The following GNL1 variants were observed in gnomAD, a reference collection of about 807,000 sequenced individuals.
GNL1 encodes the protein guanine nucleotide-binding protein-like 1.
A neutral mutation model predicts 75.2 loss-of-function variants in GNL1; 21 were observed. The observed-to-expected ratio is 0.28, with a 90% CI of 0.20 to 0.40. The LOEUF (loss-of-function observed/expected upper bound fraction) is 0.40. Among genes scored for constraint, GNL1 ranks in the 10% least tolerant of loss-of-function variants. The pLI is 1.00. For missense variants in GNL1, 579 were observed against 775.0 expected, an observed-to-expected ratio of 0.75 and a Z score of 3.00; for synonymous variants, 287 against 303.4, an observed-to-expected ratio of 0.95 and a Z score of 0.56.
Position 30,552,625 on chromosome 6 carries a change from T to C in GNL1, c.941A>G (p.Asp314Gly). The change falls in exon 8 of 12, where the codon GAT (aspartate) becomes GGT (glycine). Residue 314 changes from aspartate to glycine, a missense_variant. Transcript: ENST00000376621. The surrounding 1 kb of genome is among the most constrained non-coding windows in gnomAD (Gnocchi z 4.5). Reference protein sequence around the residue: ...LSSWREKIARDVAGATWGNGS... With the variant: ...LSSWREKIARGVAGATWGNGS... Reference sequence around the variant, plus strand: ...ATTACCCCAGGTGGCCCCAGCCACATCCCGAGCAATCTTCTCCCGCCAGCT... The same window carrying C: ...ATTACCCCAGGTGGCCCCAGCCACACCCCGAGCAATCTTCTCCCGCCAGCT... 1 of 1,613,942 alleles carries C rather than the reference T, an allele frequency of 6.2e-7. No homozygotes were observed. Among genetic ancestry groups the C allele is most frequent in the Non-Finnish European group, 8.5e-7 (1 of 1,179,952 alleles).
chr6:30,552,446 C>T lies in GNL1; in HGVS notation c.1099+21G>A, dbSNP rs578228176. The T allele has an allele frequency of 4.4e-6, 7 of 1,599,256 alleles. No individual in the cohort carries two copies. The highest frequency in any genetic ancestry group is 6.0e-6 in the Non-Finnish European group (7 of 1,169,306). The stretch of plus-strand genomic sequence containing the variant: ...CTGTACCTCCTTGGAGGCCACCACG[C>T]ACAAGCTGCCACTTCCTTACCCACA... On this transcript the variant is annotated intron_variant, in intron 8 of 11. Transcript: ENST00000376621. The surrounding 1 kb of genome is among the most constrained non-coding windows in gnomAD (Gnocchi z 4.5).
intron 8 of GNL1, among the ~76,000 whole-genome samples, chr6:30,549,066 T>C (rs553326882): frequency 4.5e-4 from 68 of 152,274 alleles, no homozygotes; most frequent in African/African-American, 1.6e-3. Context: ...GGTGCGATGT[T>C]GGCTCACTAC....
In GNL1 at chr6:30,543,801, A is replaced by G. The variant is rs140682223; in HGVS notation, c.*2271T>C. The G allele has an allele frequency of 6.6e-6, 1 of 152,310 alleles. No homozygotes were observed. Among genetic ancestry groups the G allele is most frequent in the African/African-American group, 2.4e-5 (1 of 41,574 alleles). The allele number at this position is 152,310 out of a possible 1,614,324, so 9.4% of individuals were successfully genotyped here. A position where few individuals can be genotyped will look rare whatever the true frequency, so the allele number is the denominator to read the frequency against. Reference sequence around the variant, plus strand: ...ACCACACACAGCTACCCTGTTCCAGAAGCAGGACTATAATCCCATCTGGAA... The same window carrying G: ...ACCACACACAGCTACCCTGTTCCAGGAGCAGGACTATAATCCCATCTGGAA... On this transcript the variant is annotated 3_prime_UTR_variant, in exon 12 of 12. Coordinates refer to ENST00000376621, the MANE Select transcript of GNL1 (RefSeq NM_005275.5).
In GNL1 at chr6:30,555,887, CCTT is replaced by C; in HGVS notation, c.74-170_74-168del. On this transcript the variant is annotated intron_variant, in intron 1 of 11. Coordinates refer to ENST00000376621, the MANE Select transcript of GNL1 (RefSeq NM_005275.5). The surrounding 1 kb of genome is among the most constrained non-coding windows in gnomAD (Gnocchi z 4.3). ...CCGGATGTGCGTGGGGGGAGTCACTCCTTCAGGGAGCAGTGGGGACGGCGCCCC... is the reference window on the plus strand; with the variant it reads ...CCGGATGTGCGTGGGGGGAGTCACTCCAGGGAGCAGTGGGGACGGCGCCCC... 1.2e-6 allele frequency: 1 copy of C among 826,958 alleles called. No individual in the cohort carries two copies. Among genetic ancestry groups the C allele is most frequent in the Non-Finnish European group, 1.9e-6 (1 of 528,880 alleles). The allele number at this position is 826,958 out of a possible 1,614,324, so 51.2% of individuals were successfully genotyped here.
chr6:30,550,816 T>A (rs1466485138), intron 8 of GNL1, among the ~76,000 whole-genome samples: 4 of 152,142 alleles, frequency 2.6e-5, no homozygotes, highest in Admixed American at 2.0e-4. Context: ...CTGGGCACTC[T>A]TGCTGGTCCT....
rs1057340162 is a variant in GNL1, at chr6:30,555,875, G to A, written c.74-155C>T. On this transcript the variant is annotated intron_variant, in intron 1 of 11. Coordinates refer to ENST00000376621, the MANE Select transcript of GNL1 (RefSeq NM_005275.5). This position sits in a 1 kb window ranked among gnomAD's most constrained non-coding sequence, Gnocchi z 4.3. Reference sequence around the variant, plus strand: ...TTTGGGACCCTCCCGGATGTGCGTGGGGGGAGTCACTCCTTCAGGGAGCAG... The same window carrying A: ...TTTGGGACCCTCCCGGATGTGCGTGAGGGGAGTCACTCCTTCAGGGAGCAG... 18 of 872,032 alleles carry A rather than the reference G, an allele frequency of 2.1e-5. No individual in the cohort carries two copies. The highest frequency in any genetic ancestry group is 3.2e-5 in the Non-Finnish European group (18 of 568,732). The allele number at this position is 872,032 out of a possible 1,614,324, so 54.0% of individuals were successfully genotyped here.
Position 30,554,773 on chromosome 6 carries a change from G to A in GNL1, c.519C>T (p.His173=), listed in dbSNP as rs764355825. 1.9e-6 allele frequency: 3 copies of A among 1,612,808 alleles called. No individual in the cohort carries two copies. Among genetic ancestry groups the A allele is most frequent in the East Asian group, 2.2e-5 (1 of 44,894 alleles). ...YSSEKLSYFE[H]NLETWRQLWR... is the part of the protein sequence containing the mutation. Reference sequence around the variant, plus strand: ...TAGAGTACACTGTCACCTCCAGATTGTGCTCAAAGTAGCTGAGTTTCTCAG... The same window carrying A: ...TAGAGTACACTGTCACCTCCAGATTATGCTCAAAGTAGCTGAGTTTCTCAG... Residue 173 remains histidine, a synonymous_variant, in exon 4 of 12, where the codon CAC becomes CAT. Coordinates refer to ENST00000376621, the MANE Select transcript of GNL1 (RefSeq NM_005275.5).
rs1799575759 is a variant in GNL1, at chr6:30,548,505, C to T, written c.1100-975G>A. Among the ~76,000 whole-genome samples the T allele has an allele frequency of 6.6e-6, 1 of 152,146 alleles. No homozygotes were observed. The highest frequency in any genetic ancestry group is 6.5e-5 in the Admixed American group (1 of 15,280). Reference sequence around the variant, plus strand: ...CTGACCTTAACACAGTAACACTATGCAATACCCAACTCGTGTCCTCAATTT... The same window carrying T: ...CTGACCTTAACACAGTAACACTATGTAATACCCAACTCGTGTCCTCAATTT... On this transcript the variant is annotated intron_variant, in intron 8 of 11. Coordinates refer to ENST00000376621, the MANE Select transcript of GNL1 (RefSeq NM_005275.5). The surrounding 1 kb of genome is among the most constrained non-coding windows in gnomAD (Gnocchi z 4.2).
In GNL1 at chr6:30,547,140, G is replaced by T; in HGVS notation, c.1413C>A (p.His471Gln). 1.2e-6 allele frequency: 2 copies of T among 1,612,660 alleles called. No individual in the cohort carries two copies. Among genetic ancestry groups the T allele is most frequent in the Non-Finnish European group, 1.7e-6 (2 of 1,179,870 alleles). Residue 471 changes from histidine (H) to glutamine (Q), a missense_variant, in exon 10 of 12, where the codon CAC (histidine) becomes CAA (glutamine). Coordinates refer to ENST00000376621, the MANE Select transcript of GNL1 (RefSeq NM_005275.5). This position sits in a 1 kb window ranked among gnomAD's most constrained non-coding sequence, Gnocchi z 5.5. ...HPEAEDPSAE[H>Q]PWCAWDICEA... Reference sequence around the variant, plus strand: ...CACAGATGTCCCAGGCACACCAGGGGTGTTCCGCTGAGGGGTCCTCAGCCT... The same window carrying T: ...CACAGATGTCCCAGGCACACCAGGGTTGTTCCGCTGAGGGGTCCTCAGCCT...
At chr6:30,550,828 G>C (rs552194113) in intron 8 of GNL1, among the ~76,000 whole-genome samples, 1 of 152,132 alleles carries the variant, frequency 6.6e-6, no homozygotes, top group Non-Finnish European at 1.5e-5. Context: ...GCTGGTCCTA[G>C]AATCTCCAAG....
Position 30,552,445 on chromosome 6 carries a change from G to C in GNL1, c.1099+22C>G. 6.3e-7 allele frequency: 1 copy of C among 1,595,060 alleles called. No homozygotes were observed. The highest frequency in any genetic ancestry group is 8.6e-7 in the Non-Finnish European group (1 of 1,165,782). On this transcript the variant is annotated intron_variant, in intron 8 of 11. Transcript: ENST00000376621. The surrounding 1 kb of genome is among the most constrained non-coding windows in gnomAD (Gnocchi z 4.5). ...TCTGTACCTCCTTGGAGGCCACCAC[G>C]CACAAGCTGCCACTTCCTTACCCAC...
In GNL1 at chr6:30,555,527, C is replaced by T; in HGVS notation, c.239+28G>A. 1 of 1,593,630 alleles carries T rather than the reference C, an allele frequency of 6.3e-7. No individual in the cohort carries two copies. The highest frequency in any genetic ancestry group is 8.6e-7 in the Non-Finnish European group (1 of 1,166,276). ...CTGACTTCCGGGTAGGCGGGAAAGC[C>T]GGGACCAGCGCCCCCTCCCACCCTC... On this transcript the variant is annotated intron_variant, in intron 2 of 11. Coordinates refer to ENST00000376621, the MANE Select transcript of GNL1 (RefSeq NM_005275.5). This position sits in a 1 kb window ranked among gnomAD's most constrained non-coding sequence, Gnocchi z 4.3.
At position 30,553,178 on chromosome 6, in the gene GNL1, G is replaced by A. The variant is rs148792484; in HGVS notation, c.810C>T (p.Val270=). 4.2e-5 allele frequency: 68 copies of A among 1,610,268 alleles called. No homozygotes were observed. In the African/African-American group the frequency reaches 8.3e-4, roughly 20 times the overall value. The part of the protein sequence containing the change: ...DPRTPQDPSS[V]LKKSRRRGRG... ...TCCCCCGCCTCCGACTCTTCTTCAAGACTGAGATCAGAGGGCACAAAAGGA... is the reference window on the plus strand; with the variant it reads ...TCCCCCGCCTCCGACTCTTCTTCAAAACTGAGATCAGAGGGCACAAAAGGA... Residue 270 remains valine, a splice_region_variant and synonymous_variant, in exon 7 of 12, where the codon GTC becomes GTT. Transcript: ENST00000376621.
chr6:30,547,266 T>C lies in GNL1; in HGVS notation c.1287A>G (p.Ala429=), dbSNP rs3130247. The C allele has an allele frequency of 0.11, 169,717 of 1,590,152 alleles. 11,699 individuals carry two copies. The highest frequency in any genetic ancestry group is 0.13 in the Non-Finnish European group (155,290 of 1,167,712). ...GGATCTGGGCGATAGGGTAGATCCC[T>C]GCCAGAACCTGAGGGAAATGAGCAC... The part of the protein sequence containing the change: ...SLLPRQLQVL[A]GIYPIAQIQE... Residue 429 remains alanine (A), a synonymous_variant, in exon 10 of 12, where the codon GCA becomes GCG. Transcript: ENST00000376621. This position sits in a 1 kb window ranked among gnomAD's most constrained non-coding sequence, Gnocchi z 5.5.
In GNL1 at chr6:30,547,544, G is replaced by A. The variant is rs1176464796; in HGVS notation, c.1100-14C>T. 2 of 1,611,972 alleles carry A rather than the reference G, an allele frequency of 1.2e-6. No individual in the cohort carries two copies. The highest frequency in any genetic ancestry group is 3.4e-5 in the Admixed American group (2 of 59,682). ...CATTAGGGAAACCTGAGGAAGGCAA[G>A]GAAAATTAACGTTTAACAGGTTTCT... On this transcript the variant is annotated splice_polypyrimidine_tract_variant and intron_variant, in intron 8 of 11. Transcript: ENST00000376621. The surrounding 1 kb of genome is among the most constrained non-coding windows in gnomAD (Gnocchi z 5.5).
At position 30,542,427 on chromosome 6, in the gene GNL1, A is replaced by G. The variant is rs1799220677; in HGVS notation, c.*3645T>C. ...AGCCTTCTCTGCTCCCCACACCTAT[A>G]TGTTGATGATGCCCAAATCTCTGTC... On this transcript the variant is annotated 3_prime_UTR_variant, in exon 12 of 12. Coordinates refer to ENST00000376621, the MANE Select transcript of GNL1 (RefSeq NM_005275.5). The surrounding 1 kb of genome is among the most constrained non-coding windows in gnomAD (Gnocchi z 4.5). 6.6e-6 allele frequency: 1 copy of G among 152,122 alleles called. No individual in the cohort carries two copies. Among genetic ancestry groups the G allele is most frequent in the Admixed American group, 6.6e-5 (1 of 15,246 alleles). 9.4% of individuals were successfully genotyped at this position (152,122 alleles called of 1,614,324 possible). A position where few individuals can be genotyped will look rare whatever the true frequency, so the allele number is the denominator to read the frequency against.
Position 30,546,728 on chromosome 6 carries a change from C to T in GNL1, c.1550G>A (p.Cys517Tyr). The change falls in exon 11 of 12, where the codon TGT becomes TAT. Residue 517 changes from cysteine (C) to tyrosine (Y), a missense_variant. Transcript: ENST00000376621. The surrounding 1 kb of genome is among the most constrained non-coding windows in gnomAD (Gnocchi z 5.1). The stretch of plus-strand genomic sequence containing the variant: ...TTCACTGTAGCCTGGGGGATGAAAA[C>T]ACAGGCTGAGGCGGCCGTCCACTGC... ...RLAVDGRLSL[C>Y]FHPPGYSEQK... 6.2e-7 allele frequency: 1 copy of T among 1,610,436 alleles called. No individual in the cohort carries two copies. Among genetic ancestry groups the T allele is most frequent in the Non-Finnish European group, 8.5e-7 (1 of 1,177,992 alleles).
chr6:30,552,983 T>C lies in GNL1; in HGVS notation c.904+101A>G. 1 of 819,954 alleles carries C rather than the reference T, an allele frequency of 1.2e-6. No individual in the cohort carries two copies. Among genetic ancestry groups the C allele is most frequent in the Non-Finnish European group, 2.0e-6 (1 of 490,986 alleles). 50.8% of individuals were successfully genotyped at this position (819,954 alleles called of 1,614,324 possible). ...CCCTTCCCCTGGCCTCTTGCACATATCCACCATAGAGGGGTTGGCTTCAGG... is the reference window on the plus strand; with the variant it reads ...CCCTTCCCCTGGCCTCTTGCACATACCCACCATAGAGGGGTTGGCTTCAGG... On this transcript the variant is annotated intron_variant, in intron 7 of 11. Transcript: ENST00000376621. This position sits in a 1 kb window ranked among gnomAD's most constrained non-coding sequence, Gnocchi z 4.5.
Position 30,546,153 on chromosome 6 carries a change from A to T in GNL1, c.1743T>A (p.Asp581Glu). The T allele has an allele frequency of 6.4e-7, 1 of 1,565,548 alleles. No homozygotes were observed. Among genetic ancestry groups the T allele is most frequent in the Non-Finnish European group, 8.7e-7 (1 of 1,154,468 alleles). ...CTGGAGCCGAGGTTGGGGTCTCCTC[A>T]TCCCCTTCTCCCTCCTCATCCGCAT... ...DRDADEEGEG[D>E]EETPTSAPGS... Residue 581 changes from aspartate to glutamate, a missense_variant, in exon 12 of 12, where the codon GAT becomes GAA. By Grantham distance (45) the Asp-to-Glu change is conservative. Transcript: ENST00000376621. The surrounding 1 kb of genome is among the most constrained non-coding windows in gnomAD (Gnocchi z 5.1).
Sources: gnomAD v4.1 joint callset for allele counts (sites outside exome capture counted in the v4.1 genomes callset) on GRCh38, gnomAD v4.1.1 for gene constraint, Gnocchi (gnomAD v3.1) non-coding constraint, MANE v1.5 for transcripts, NCBI Gene and HGNC (gene_info 2026-07-23, HGNC 2026-07-21) for gene names.